RNF115: variants seen among roughly 807,000 people sequenced by gnomAD.
The protein encoded by RNF115 is ring finger protein 115.
In RNF115, 31 loss-of-function variants were observed where a neutral mutation model predicts 39.2. The observed-to-expected ratio is 0.79, with a 90% CI of 0.59 to 1.07. RNF115 has a LOEUF of 1.07. Ranked by LOEUF, RNF115 falls within the 50% of genes least tolerant of loss-of-function variation. The pLI is 0.00. For synonymous variants in RNF115, 124 were observed against 131.0 expected (o/e 0.95, Z 0.37); for missense variants, 384 against 381.7 (o/e 1.01, Z -0.05).
intron 4 of RNF115, among the ~76,000 whole-genome samples, chr1:145,767,508 G>C (rs1320615899): frequency 2.0e-5 from 3 of 151,478 alleles, no homozygotes; most frequent in Non-Finnish European, 4.4e-5. Context: ...CAGGCAGAGA[G>C]GCTCCTCACA....
rs782680760 is a variant in RNF115, at chr1:145,823,869, G to A, written c.5C>T (p.Ala2Val). Residue 2 changes from alanine (A) to valine (V), a missense_variant, in exon 1 of 9, where the codon GCG becomes GTG. By Grantham distance (64) the Ala-to-Val change is moderately conservative (BLOSUM62 0). Coordinates refer to ENST00000582693, the MANE Select transcript of RNF115 (RefSeq NM_014455.4). MAEASAAGADSG... is the reference protein window; with the variant it reads MVEASAAGADSG... Reference sequence around the variant, plus strand: ...GTCCGCCCCGGCCGCCGAAGCCTCCGCCATTTTTGCCCTCCGCCGCGGCCG... The same window carrying A: ...GTCCGCCCCGGCCGCCGAAGCCTCCACCATTTTTGCCCTCCGCCGCGGCCG... 1 of 1,542,666 alleles carries A rather than the reference G, an allele frequency of 6.5e-7. No individual in the cohort carries two copies. The highest frequency in any genetic ancestry group is 1.2e-5 in the South Asian group (1 of 83,948).
intron 6 of RNF115, 60 bp from the exon 7 acceptor site, chr1:145,750,560 G>T: frequency 7.8e-7 from 1 of 1,287,658 alleles, no homozygotes; most frequent in Non-Finnish European, 1.1e-6. Flanking sequence ...CCTGGAGAGG[G>T]AACTGCTCCA....
At chr1:145,749,988 T>C (rs1266030429) in intron 7 of RNF115, among the ~76,000 whole-genome samples, 1 of 152,224 alleles carries the variant, frequency 6.6e-6, no homozygotes, top group African/African-American at 2.4e-5. Flanking sequence ...CAAAGTAGAT[T>C]TGAAACAAAC....
At chr1:145,763,287 C>A (rs10127471) in intron 4 of RNF115, among the ~76,000 whole-genome samples, 127,034 of 152,268 alleles carry the variant, frequency 0.83, 53,232 homozygotes, top group African/African-American at 0.9. Context: ...GTACCCTACA[C>A]AGCGAATCAG....
intron 1 of RNF115, among the ~76,000 whole-genome samples, chr1:145,813,037 G>GA (rs1649808145): frequency 6.7e-6 from 1 of 148,532 alleles, no homozygotes; most frequent in South Asian, 2.2e-4. Context: ...TTCTGTATGT[G>GA]AAACTATAAC....
chr1:145,766,533 G>T (rs868939065), intron 4 of RNF115, among the ~76,000 whole-genome samples: 18 of 148,020 alleles, frequency 1.2e-4, no homozygotes, highest in African/African-American at 3.5e-4. Context: ...CGGGGTGGTG[G>T]CCGGGCAGAG....
chr1:145,753,166 A>G (rs1046870511), intron 4 of RNF115, 117 bp from the exon 5 acceptor site: 49 of 653,684 alleles, frequency 7.5e-5, no homozygotes, highest in Non-Finnish European at 1.3e-4. Flanking sequence ...TTCATTGGCT[A>G]GTACACAAGA....
At position 145,788,971 on chromosome 1, in the gene RNF115, A is replaced by G; in HGVS notation, c.103-5T>C. On this transcript the variant is annotated splice_region_variant and splice_polypyrimidine_tract_variant and intron_variant, in intron 1 of 8. Coordinates refer to ENST00000582693, the MANE Select transcript of RNF115 (RefSeq NM_014455.4). ...ACATCTGGGACATATATATTCCTAT[A>G]AAAGAAAGGAAGAAACAAATAAAAC... 6.4e-7 allele frequency: 1 copy of G among 1,568,908 alleles called. No individual in the cohort carries two copies. Among genetic ancestry groups the G allele is most frequent in the Middle Eastern group, 1.7e-4 (1 of 5,918 alleles).
chr1:145,769,981 C>T (rs1160538206), intron 4 of RNF115, among the ~76,000 whole-genome samples: 2 of 152,068 alleles, frequency 1.3e-5, no homozygotes, highest in Non-Finnish European at 2.9e-5. Flanking sequence ...GCATTCTAGC[C>T]TGGGAAACAA....
At position 145,743,455 on chromosome 1, in the gene RNF115, A is replaced by C. The variant is rs1304034945; in HGVS notation, c.*3411T>G. On this transcript the variant is annotated 3_prime_UTR_variant, in exon 9 of 9. Coordinates refer to ENST00000582693, the MANE Select transcript of RNF115 (RefSeq NM_014455.4). ...CCCACTGCAGATCTTGGGATTTCTC[A>C]AACTCCATTATTGTGTGAACCAATT... 2 of 152,136 alleles carry C rather than the reference A, an allele frequency of 1.3e-5. No individual in the cohort carries two copies. The highest frequency in any genetic ancestry group is 2.9e-5 in the Non-Finnish European group (2 of 68,078). The allele number at this position is 152,136 out of a possible 1,614,324, so 9.4% of individuals were successfully genotyped here.
chr1:145,783,075 C>T (rs1489672476), intron 3 of RNF115, among the ~76,000 whole-genome samples: 2 of 152,158 alleles, frequency 1.3e-5, no homozygotes, highest in African/African-American at 4.8e-5. Flanking sequence ...GTTGGCTAGG[C>T]TGGTCTCGAA....
intron 1 of RNF115, among the ~76,000 whole-genome samples, chr1:145,817,480 T>C (rs587709017): frequency 0.015 from 2,112 of 142,638 alleles, 26 homozygotes; most frequent in African/African-American, 0.05. Context: ...CCCTCTTTGT[T>C]TACTTTGTTT....
chr1:145,802,269 G>A (rs1447323130), intron 1 of RNF115, among the ~76,000 whole-genome samples: 2 of 152,086 alleles, frequency 1.3e-5, no homozygotes, highest in Non-Finnish European at 2.9e-5. Flanking sequence ...GTTCTGAATC[G>A]AGAACAACTC....
Position 145,819,189 on chromosome 1 carries a change from A to G in RNF115, c.102+4583T>C, listed in dbSNP as rs1203814387. 5.4e-5 allele frequency among the ~76,000 whole-genome samples: 8 copies of G among 147,376 alleles called. No homozygotes were observed. In the South Asian group the frequency reaches 1.6e-3, roughly 30 times the overall value. On this transcript the variant is annotated intron_variant, in intron 1 of 8. Coordinates refer to ENST00000582693, the MANE Select transcript of RNF115 (RefSeq NM_014455.4). ...CATGGCTCATGCCTACAATCCCAGC[A>G]CTTTGGGAGGCAAAGGCAGGCGGAT...
At chr1:145,779,175 ATT>A (rs35142462) in intron 3 of RNF115, among the ~76,000 whole-genome samples, 135 of 141,954 alleles carry the variant, frequency 9.5e-4, no homozygotes, top group Middle Eastern at 3.6e-3. Context: ...TGAAGTCCTA[ATT>A]TTTTTTTTTT....
In RNF115 at chr1:145,743,798, AT is replaced by A. The variant is rs1553711266; in HGVS notation, c.*3067del. On this transcript the variant is annotated 3_prime_UTR_variant, in exon 9 of 9. Coordinates refer to ENST00000582693, the MANE Select transcript of RNF115 (RefSeq NM_014455.4). ...TCCATCTCAAAAAATAAATAAATAAATAAATAAATAAATAAATAATAATAAT... is the reference window on the plus strand; with the variant it reads ...TCCATCTCAAAAAATAAATAAATAAAAAATAAATAAATAAATAATAATAAT... The A allele has an allele frequency of 7.0e-5, 3 of 43,070 alleles. No homozygotes were observed. Among genetic ancestry groups the A allele is most frequent in the East Asian group, 7.4e-4 (1 of 1,344 alleles). 2.7% of individuals were successfully genotyped at this position (43,070 alleles called of 1,614,324 possible). A position where few individuals can be genotyped will look rare whatever the true frequency, so the allele number is the denominator to read the frequency against.
intron 1 of RNF115, among the ~76,000 whole-genome samples, chr1:145,802,627 TAA>T (rs1434763726): frequency 6.6e-6 from 1 of 152,192 alleles, no homozygotes; most frequent in Admixed American, 6.5e-5. Context: ...GTTATCAACT[TAA>T]AGTGTTTATT....
intron 4 of RNF115, among the ~76,000 whole-genome samples, chr1:145,765,539 T>C (rs72704234): frequency 0.091 from 13,825 of 152,294 alleles, 954 homozygotes; most frequent in Non-Finnish European, 0.13. Flanking sequence ...ATTCTATATG[T>C]ACTAAACAAC....
chr1:145,761,101 C>A (rs1031941689), intron 4 of RNF115, among the ~76,000 whole-genome samples: 12 of 152,296 alleles, frequency 7.9e-5, no homozygotes, highest in African/African-American at 2.9e-4. Context: ...GTGGAAGAAA[C>A]TTCTAAGCAG....
Sources: gnomAD v4.1 joint callset for allele counts (sites outside exome capture counted in the v4.1 genomes callset) on GRCh38, gnomAD v4.1.1 for gene constraint, MANE v1.5 for transcripts, NCBI Gene and HGNC (gene_info 2026-07-23, HGNC 2026-07-21) for gene names.